DIP2C: variants seen among roughly 807,000 people sequenced by gnomAD.
The protein encoded by DIP2C is disco-interacting protein 2 homolog C.
A neutral mutation model predicts 192.4 loss-of-function variants in DIP2C; 33 were observed. That is an observed-to-expected ratio of 0.17 (90% confidence interval 0.13 to 0.23). The LOEUF is 0.23. DIP2C is among the 10% of genes least tolerant of loss of function. DIP2C has a pLI of 1.00. For missense variants in DIP2C, 1,537 were observed against 2,110.1 expected (o/e 0.73, Z 5.32); for synonymous variants, 979 against 864.1 (o/e 1.13, Z -2.33).
rs186082564 is a variant in DIP2C, at chr10:653,955, T to A, written c.85+35539A>T. Among the ~76,000 whole-genome samples the A allele has an allele frequency of 1.2e-3, 188 of 152,242 alleles. 1 individual carries two copies. Among genetic ancestry groups the A allele is most frequent in the Middle Eastern group, 6.8e-3 (2 of 294 alleles). Reference sequence around the variant, plus strand: ...TGGATTAATGGATGCACTAAAAGCATCTCTTCCAACTGGGACACAGACTGC... The same window carrying A: ...TGGATTAATGGATGCACTAAAAGCAACTCTTCCAACTGGGACACAGACTGC... On this transcript the variant is annotated intron_variant, in intron 1 of 36. Coordinates refer to ENST00000280886, the MANE Select transcript of DIP2C (RefSeq NM_014974.3).
At chr10:641,276 G>A (rs1435379411) in intron 1 of DIP2C, among the ~76,000 whole-genome samples, 2 of 152,294 alleles carry the variant, frequency 1.3e-5, no homozygotes, top group Admixed American at 1.3e-4. Flanking sequence ...CAGTTTTGGG[G>A]CCAGCACGGA....
intron 2 of DIP2C, among the ~76,000 whole-genome samples, chr10:480,326 T>C (rs1159622234): frequency 2.1e-4 from 28 of 136,086 alleles, no homozygotes; most frequent in African/African-American, 6.8e-4. Flanking sequence ...CTCCGGTCCA[T>C]GCTCACTGGA....
chr10:650,942 C>A (rs1257037394), intron 1 of DIP2C: 2 of 717,392 alleles, frequency 2.8e-6, no homozygotes, highest in Non-Finnish European at 5.2e-6. Flanking sequence ...CGAGGCTACA[C>A]AGCTCTGGCT....
At chr10:457,128 G>A (rs544078638) in intron 3 of DIP2C, among the ~76,000 whole-genome samples, 61 of 152,136 alleles carry the variant, frequency 4.0e-4, no homozygotes, top group Non-Finnish European at 8.2e-4. Context: ...GCTTATTTTC[G>A]GTTTGTACAG....
chr10:305,104 GCA>G (rs1464850420), intron 32 of DIP2C, among the ~76,000 whole-genome samples: 1 of 152,026 alleles, frequency 6.6e-6, no homozygotes, highest in Admixed American at 6.6e-5. Context: ...ATGCAGTATT[GCA>G]CACACGTACA....
At chr10:650,863 A>G (rs1478054124) in intron 1 of DIP2C, 2 of 717,326 alleles carry the variant, frequency 2.8e-6, no homozygotes, top group East Asian at 2.7e-5. Flanking sequence ...GGTCCGTGGC[A>G]TAACACAAAC....
intron 32 of DIP2C, among the ~76,000 whole-genome samples, chr10:289,374 T>G (rs1955357218): frequency 6.6e-6 from 1 of 151,840 alleles, no homozygotes; most frequent in South Asian, 2.1e-4. Flanking sequence ...CCTCAAGCAA[T>G]CCTCCCACCT....
intron 10 of DIP2C, among the ~76,000 whole-genome samples, chr10:397,406 T>C (rs942468558): frequency 4.6e-5 from 7 of 151,968 alleles, no homozygotes; most frequent in Non-Finnish European, 1.0e-4. Context: ...GGCACACGCC[T>C]GTAATCTCAG....
intron 18 of DIP2C, among the ~76,000 whole-genome samples, chr10:368,484 G>A (rs1364011174): frequency 1.3e-5 from 2 of 152,244 alleles, no homozygotes. Flanking sequence ...CGGGGATGCT[G>A]GAGGGCGTCC....
At chr10:468,569 T>C (rs1970399923) in intron 3 of DIP2C, among the ~76,000 whole-genome samples, 2 of 152,170 alleles carry the variant, frequency 1.3e-5, no homozygotes, top group African/African-American at 2.4e-5. Context: ...TAGACCAGCC[T>C]GACCAACATG....
At chr10:601,521 T>C (rs997594214) in intron 1 of DIP2C, among the ~76,000 whole-genome samples, 1 of 152,188 alleles carries the variant, frequency 6.6e-6, no homozygotes, top group Non-Finnish European at 1.5e-5. Context: ...AAACTAAAAA[T>C]GCATTCCCAG....
At chr10:625,200 C>A (rs1854120834) in intron 1 of DIP2C, among the ~76,000 whole-genome samples, 1 of 152,208 alleles carries the variant, frequency 6.6e-6, no homozygotes, top group Non-Finnish European at 1.5e-5. Context: ...TCCCAAGAGG[C>A]AACAAGCCCT....
intron 1 of DIP2C, among the ~76,000 whole-genome samples, chr10:596,810 G>A (rs551876478): frequency 2.6e-5 from 4 of 152,308 alleles, no homozygotes; most frequent in African/African-American, 9.6e-5. Flanking sequence ...TGGGGTGGTG[G>A]GGAGCCTGTC....
intron 1 of DIP2C, among the ~76,000 whole-genome samples, chr10:598,550 C>A (rs978373872): frequency 5.9e-5 from 9 of 151,812 alleles, no homozygotes; most frequent in Admixed American, 2.6e-4. Context: ...CTCCTCCCCC[C>A]ACAGCTCCTC....
At chr10:448,522 T>C (rs376072676) in intron 3 of DIP2C, among the ~76,000 whole-genome samples, 4,260 of 57,388 alleles carry the variant, frequency 0.074, 4 homozygotes, top group African/African-American at 0.29. Context: ...TCACTCCCGT[T>C]GATACTCAGG....
chr10:280,382 T>C (rs933723362), intron 36 of DIP2C, among the ~76,000 whole-genome samples: 2 of 152,160 alleles, frequency 1.3e-5, no homozygotes, highest in African/African-American at 4.8e-5. Context: ...TTTCACCAGG[T>C]GCCCCTCAGT....
chr10:644,364 G>A (rs1855351211), intron 1 of DIP2C, among the ~76,000 whole-genome samples: 1 of 152,268 alleles, frequency 6.6e-6, no homozygotes, highest in Non-Finnish European at 1.5e-5. Context: ...TGGTCACTAA[G>A]AAGAGTGAAG....
chr10:664,623 T>G (rs561633070), intron 1 of DIP2C: 1 of 152,348 alleles, frequency 6.6e-6, no homozygotes, highest in Admixed American at 6.5e-5. Context: ...TACAGAGAAA[T>G]CATTGGTACT....
intron 24 of DIP2C, among the ~76,000 whole-genome samples, chr10:350,632 ATTTTTTTT>A (rs56171130): frequency 4.7e-5 from 4 of 84,220 alleles, no homozygotes; most frequent in African/African-American, 1.4e-4. Flanking sequence ...GGGCTCAGGA[ATTTTTTTT>A]TTTTTTTTTT....
Sources: gnomAD v4.1 joint callset for allele counts (sites outside exome capture counted in the v4.1 genomes callset) on GRCh38, gnomAD v4.1.1 for gene constraint, MANE v1.5 for transcripts, NCBI Gene and HGNC (gene_info 2026-07-23, HGNC 2026-07-21) for gene names.